ASCC3: variants seen among roughly 807,000 people sequenced by gnomAD.
ASCC3 encodes the protein activating signal cointegrator 1 complex subunit 3, also known as ASC-1 complex subunit P200.
In ASCC3, 158 loss-of-function variants were observed where a neutral mutation model predicts 256.3. The observed-to-expected ratio is 0.62, with a 90% CI of 0.54 to 0.70. The LOEUF is 0.70. ASCC3 is among the 30% of genes least tolerant of loss of function. The pLI, the probability that ASCC3 is intolerant of heterozygous loss-of-function variation, is 0.00. For missense variants in ASCC3, 2,259 were observed against 2,626.0 expected, an observed-to-expected ratio of 0.86 and a Z score of 3.05; for synonymous variants, 948 against 883.4, an observed-to-expected ratio of 1.07 and a Z score of -1.30.
At chr6:100,791,628 A>G (rs931174792) in intron 8 of ASCC3, among the ~76,000 whole-genome samples, 2 of 152,030 alleles carry the variant, frequency 1.3e-5, no homozygotes, top group Non-Finnish European at 2.9e-5. Context: ...ATACTCTGCA[A>G]TGATCCCAGT....
At chr6:100,706,031 G>C (rs6922219) in intron 13 of ASCC3, among the ~76,000 whole-genome samples, 68,671 of 151,264 alleles carry the variant, frequency 0.45, 15,798 homozygotes, top group South Asian at 0.6. Flanking sequence ...ATACACACAT[G>C]CACATAGTAT....
At chr6:100,858,981 C>T in intron 3 of ASCC3, 1 of 670,196 alleles carries the variant, frequency 1.5e-6, no homozygotes, top group African/African-American at 1.8e-5. Context: ...TTATGACATT[C>T]TCCATTAAAG....
intron 3 of ASCC3, among the ~76,000 whole-genome samples, chr6:100,850,522 T>C (rs909830061): frequency 6.6e-6 from 1 of 152,208 alleles, no homozygotes; most frequent in Non-Finnish European, 1.5e-5. Context: ...TGATTTAAAC[T>C]AGACCCAGGC....
intron 18 of ASCC3, 37 bp downstream of exon 18, chr6:100,652,688 G>A (rs1277122148): frequency 4.4e-6 from 7 of 1,577,268 alleles, no homozygotes; most frequent in Non-Finnish European, 6.1e-6. Flanking sequence ...GAAAGTATTT[G>A]CATCTAAAAT....
chr6:100,676,057 A>G (rs745426615), intron 14 of ASCC3, among the ~76,000 whole-genome samples: 1 of 152,150 alleles, frequency 6.6e-6, no homozygotes, highest in Non-Finnish European at 1.5e-5. Context: ...GGTATGTTCT[A>G]TTTTATAGAA....
intron 37 of ASCC3, among the ~76,000 whole-genome samples, chr6:100,524,650 C>A (rs1774473696): frequency 1.3e-5 from 2 of 152,038 alleles, no homozygotes; most frequent in African/African-American, 4.8e-5. Flanking sequence ...ATCTAAACTT[C>A]AGTTTAAGAA....
At chr6:100,732,879 G>T (rs1185454125) in intron 10 of ASCC3, among the ~76,000 whole-genome samples, 1 of 152,110 alleles carries the variant, frequency 6.6e-6, no homozygotes, top group African/African-American at 2.4e-5. Flanking sequence ...AGAGCCAAGT[G>T]AAATTATACA....
rs1418316497 is a variant in ASCC3 at position 100,679,703 on chromosome 6, G to A, written c.2201C>T (p.Ser734Phe). 2.5e-6 allele frequency: 4 copies of A among 1,613,390 alleles called. No individual in the cohort carries two copies. The highest frequency in any genetic ancestry group is 3.4e-6 in the Non-Finnish European group (4 of 1,179,708). ...ARNATVRTAM[S>F]LIERAKNCGH... ...ACAATTTTTTGCTCTTTCTATTAGA[G>A]ACATAGCTGTTCTTACAGTGGCATT... The change falls in exon 14 of 42, where the codon TCT (serine) becomes TTT (phenylalanine). Residue 734 changes from serine to phenylalanine, a missense_variant. Physicochemically the swap from Ser to Phe is radical, Grantham distance 155. Around this residue, in one of 2 missense-constraint regions of ASCC3, gnomAD observed 1,839 missense variants for 2,206.7 expected, o/e 0.83. Coordinates refer to ENST00000369162, the MANE Select transcript of ASCC3 (RefSeq NM_006828.4).
chr6:100,561,329 A>G (rs539593162), intron 36 of ASCC3, among the ~76,000 whole-genome samples: 12 of 152,284 alleles, frequency 7.9e-5, no homozygotes, highest in African/African-American at 2.9e-4. Flanking sequence ...ACATACATAT[A>G]TATTTTAACA....
chr6:100,584,298 T>G (rs1245520125), intron 36 of ASCC3, among the ~76,000 whole-genome samples: 1 of 151,694 alleles, frequency 6.6e-6, no homozygotes, highest in Non-Finnish European at 1.5e-5. Flanking sequence ...ATATTTAGGA[T>G]AGTTAGCTCT....
chr6:100,760,914 G>A (rs572109110), intron 10 of ASCC3, among the ~76,000 whole-genome samples: 5 of 152,166 alleles, frequency 3.3e-5, no homozygotes, highest in Admixed American at 1.3e-4. Context: ...ATGACGGGTT[G>A]AAGAAATAAA....
At position 100,526,809 on chromosome 6, in the gene ASCC3, T is replaced by C. The variant is rs550184271; in HGVS notation, c.5776-8667A>G. Among the ~76,000 whole-genome samples the C allele has an allele frequency of 7.2e-5, 11 of 152,312 alleles. No homozygotes were observed. The South Asian group carries it at 2.3e-3, about 32-fold the overall frequency. ...TCCACTAATACGACTTCATCAGGTT[T>C]TTATGGCAGAATATGAACTCCGGGC... On this transcript the variant is annotated intron_variant, in intron 37 of 41. Transcript: ENST00000369162.
intron 4 of ASCC3, among the ~76,000 whole-genome samples, chr6:100,828,516 T>C (rs1005981418): frequency 2.6e-5 from 4 of 152,154 alleles, no homozygotes; most frequent in Admixed American, 6.5e-5. Context: ...GTGAGTGTTA[T>C]AGCTCTTAAG....
chr6:100,852,719 T>C (rs1169966312), intron 3 of ASCC3, among the ~76,000 whole-genome samples: 1 of 152,112 alleles, frequency 6.6e-6, no homozygotes, highest in East Asian at 1.9e-4. Context: ...ATATAAAACT[T>C]AAGAACTCCA....
At chr6:100,669,195 ATT>A (rs1398819870) in intron 14 of ASCC3, among the ~76,000 whole-genome samples, 1 of 149,890 alleles carries the variant, frequency 6.7e-6, no homozygotes, top group South Asian at 2.1e-4. Flanking sequence ...TATGTAAAAT[ATT>A]TTTTATATTA....
At chr6:100,707,478 A>C (rs1326092858) in intron 13 of ASCC3, among the ~76,000 whole-genome samples, 3 of 151,946 alleles carry the variant, frequency 2.0e-5, no homozygotes, top group Admixed American at 1.3e-4. Flanking sequence ...ACCAGTGATT[A>C]TTTTTTCCCC....
chr6:100,874,795 G>A (rs1251564237), intron 1 of ASCC3, among the ~76,000 whole-genome samples: 1 of 152,088 alleles, frequency 6.6e-6, no homozygotes, highest in Non-Finnish European at 1.5e-5. Flanking sequence ...TAAAGGGGTG[G>A]GAGGGCACTA....
Position 100,766,613 on chromosome 6 carries a change from T to C in ASCC3, c.1689A>G (p.Glu563=). The C allele has an allele frequency of 6.2e-7, 1 of 1,614,086 alleles. No homozygotes were observed. The highest frequency in any genetic ancestry group is 8.5e-7 in the Non-Finnish European group (1 of 1,179,960). Residue 563 remains glutamate (E), a synonymous_variant, in exon 10 of 42, where the codon GAA becomes GAG. Transcript: ENST00000369162. ...RLEPLGIIVK[E]LTGDMQLSKS... ...TGGACAACTGCATGTCACCAGTCAATTCTTTCACAATGATGCCTAGTGGCT... is the reference window on the plus strand; with the variant it reads ...TGGACAACTGCATGTCACCAGTCAACTCTTTCACAATGATGCCTAGTGGCT...
chr6:100,624,124 A>C (rs1325580427), intron 30 of ASCC3, among the ~76,000 whole-genome samples: 1 of 152,058 alleles, frequency 6.6e-6, no homozygotes, highest in Non-Finnish European at 1.5e-5. Flanking sequence ...AATAATAAAA[A>C]AAAAGACACC....
Sources: allele counts gnomAD v4.1 joint callset (sites outside exome capture counted in the v4.1 genomes callset), GRCh38; gene constraint gnomAD v4.1.1; regional missense constraint gnomAD v4.1.1; transcripts MANE v1.5; gene names NCBI Gene and HGNC (gene_info 2026-07-23, HGNC 2026-07-21).